The following PTPRN2 variants were observed in gnomAD, a reference collection of about 807,000 sequenced individuals.
The protein encoded by PTPRN2 is protein tyrosine phosphatase receptor type N2, also known as receptor-type tyrosine-protein phosphatase N2.
Under a neutral mutation model 118.8 loss-of-function variants are expected in PTPRN2, and 74 were observed. The observed-to-expected ratio is 0.62, with a 90% CI of 0.52 to 0.76. The LOEUF is 0.76. Ranked by LOEUF, PTPRN2 falls within the 30% of genes least tolerant of loss-of-function variation. The pLI, the probability that PTPRN2 is intolerant of heterozygous loss-of-function variation, is 0.00. For missense variants in PTPRN2, 1,481 were observed against 1,394.4 expected (o/e 1.06, Z -0.99); for synonymous variants, 641 against 608.0 (o/e 1.05, Z -0.80).
At chr7:157,993,550 G>C (rs1476414895) in intron 11 of PTPRN2, among the ~76,000 whole-genome samples, 1 of 152,174 alleles carries the variant, frequency 6.6e-6, no homozygotes, top group Non-Finnish European at 1.5e-5. Flanking sequence ...GGAAACATGG[G>C]GAGGTGGCGA....
At position 157,592,706 on chromosome 7, in the gene PTPRN2, G is replaced by A. The variant is rs189874744; in HGVS notation, c.2496+2532C>T. ...GGTGGATGTGGGCATCATCGTGGTC[G>A]TTGAGCATGGATGCCGAGAGGCTTC... On this transcript the variant is annotated intron_variant, in intron 17 of 22. Transcript: ENST00000389418. Among the ~76,000 whole-genome samples, 256 of 148,852 alleles carry A rather than the reference G, an allele frequency of 1.7e-3. 2 individuals carry two copies. The highest frequency in any genetic ancestry group is 5.5e-3 in the African/African-American group (224 of 40,460).
intron 11 of PTPRN2, among the ~76,000 whole-genome samples, chr7:157,969,101 A>C (rs1190212537): frequency 6.6e-6 from 1 of 151,056 alleles, no homozygotes; most frequent in African/African-American, 2.4e-5. Context: ...AACATCTTGC[A>C]ATATCCATGG....
chr7:158,220,805 G>A (rs551157362), intron 3 of PTPRN2, among the ~76,000 whole-genome samples: 2 of 149,778 alleles, frequency 1.3e-5, no homozygotes, highest in Non-Finnish European at 3.0e-5. Flanking sequence ...CAGACTCAAT[G>A]CTATTCCTAT....
intron 12 of PTPRN2, among the ~76,000 whole-genome samples, chr7:157,812,793 A>C (rs1184849561): frequency 6.6e-6 from 1 of 152,164 alleles, no homozygotes; most frequent in African/African-American, 2.4e-5. Context: ...GCTGGGCTTC[A>C]CAGAAATGGA....
chr7:157,697,501 G>C (rs895561252), intron 12 of PTPRN2, among the ~76,000 whole-genome samples: 2 of 125,648 alleles, frequency 1.6e-5, no homozygotes, highest in Non-Finnish European at 3.3e-5. Context: ...CTGGATCTTA[G>C]TAGAGCCCTC....
intron 1 of PTPRN2, among the ~76,000 whole-genome samples, chr7:158,508,872 C>T (rs112666599): frequency 3.8e-3 from 220 of 57,782 alleles, no homozygotes; most frequent in Middle Eastern, 0.012. Context: ...GAAGTGGCTC[C>T]GCTCCTGTGG....
chr7:158,130,664 T>TAC (rs369655224), intron 9 of PTPRN2, among the ~76,000 whole-genome samples: 1 of 129,182 alleles, frequency 7.7e-6, no homozygotes, highest in Non-Finnish European at 1.6e-5. Context: ...ACCTGACTCA[T>TAC]ACACACACAC....
At chr7:157,867,953 G>A (rs868695792) in intron 12 of PTPRN2, among the ~76,000 whole-genome samples, 4 of 152,286 alleles carry the variant, frequency 2.6e-5, no homozygotes, top group Middle Eastern at 3.4e-3. Context: ...TGGGGGCACC[G>A]TGCCTGCGCC....
intron 4 of PTPRN2, among the ~76,000 whole-genome samples, chr7:158,193,495 T>C (rs1030635039): frequency 2.6e-5 from 4 of 151,996 alleles, no homozygotes; most frequent in Admixed American, 2.6e-4. Flanking sequence ...CTCCCCATGT[T>C]TATGGGGAGC....
At chr7:158,412,677 C>T in intron 2 of PTPRN2, among the ~76,000 whole-genome samples, 1 of 109,510 alleles carries the variant, frequency 9.1e-6, no homozygotes, top group Non-Finnish European at 1.8e-5. Context: ...GCACCCTCCT[C>T]AGCACCAGGG....
intron 12 of PTPRN2, among the ~76,000 whole-genome samples, chr7:157,689,877 G>A (rs1797387931): frequency 6.6e-6 from 1 of 152,244 alleles, no homozygotes; most frequent in Non-Finnish European, 1.5e-5. Context: ...ATACTCCCAT[G>A]GCTCGGAGGC....
At chr7:157,635,156 C>T (rs1409732684) in intron 14 of PTPRN2, among the ~76,000 whole-genome samples, 2 of 152,250 alleles carry the variant, frequency 1.3e-5, no homozygotes, top group East Asian at 3.8e-4. Context: ...ATGTAAATGG[C>T]AGGTGTGCGT....
At chr7:157,796,321 C>T (rs187592883) in intron 12 of PTPRN2, among the ~76,000 whole-genome samples, 3 of 152,328 alleles carry the variant, frequency 2.0e-5, no homozygotes, top group East Asian at 3.9e-4. Flanking sequence ...TATTCATTCC[C>T]GAATCTCACA....
chr7:158,302,273 C>A (rs1048386417), intron 3 of PTPRN2, among the ~76,000 whole-genome samples: 2 of 152,182 alleles, frequency 1.3e-5, no homozygotes, highest in Non-Finnish European at 2.9e-5. Flanking sequence ...ACCACCTGAG[C>A]CCAAGGGAAC....
chr7:158,253,048 C>T (rs2150899799), intron 3 of PTPRN2, among the ~76,000 whole-genome samples: 1 of 152,348 alleles, frequency 6.6e-6, no homozygotes, highest in East Asian at 1.9e-4. Context: ...CGGACCAGAC[C>T]TCGTTGTCCA....
intron 1 of PTPRN2, among the ~76,000 whole-genome samples, chr7:158,531,596 C>T (rs551403373): frequency 6.6e-6 from 1 of 152,360 alleles, no homozygotes; most frequent in Non-Finnish European, 1.5e-5. Context: ...CCACATCTCA[C>T]GCGCAGCCTC....
chr7:157,860,192 C>A (rs182915496), intron 12 of PTPRN2, among the ~76,000 whole-genome samples: 2 of 152,364 alleles, frequency 1.3e-5, no homozygotes, highest in Non-Finnish European at 2.9e-5. Flanking sequence ...CCTGAGGCCC[C>A]AGCCTGTGGT....
chr7:158,300,485 T>A (rs537637625), intron 3 of PTPRN2, among the ~76,000 whole-genome samples: 31 of 95,276 alleles, frequency 3.3e-4, no homozygotes, highest in African/African-American at 1.2e-3. Flanking sequence ...ACCTATATTT[T>A]GTGTGAGACA....
chr7:158,341,343 T>C (rs1806729380), intron 2 of PTPRN2, among the ~76,000 whole-genome samples: 1 of 147,472 alleles, frequency 6.8e-6, no homozygotes, highest in African/African-American at 2.6e-5. Flanking sequence ...ACCCACACTC[T>C]CACCATAAGA....
Sources: gnomAD v4.1 joint callset for allele counts (sites outside exome capture counted in the v4.1 genomes callset) on GRCh38, gnomAD v4.1.1 for gene constraint, MANE v1.5 for transcripts, NCBI Gene and HGNC (gene_info 2026-07-23, HGNC 2026-07-21) for gene names.